Variants in MIPEP observed in about 807,000 individuals in gnomAD.
MIPEP encodes the protein mitochondrial intermediate peptidase.
Under a neutral mutation model 90.3 loss-of-function variants are expected in MIPEP, and 79 were observed. The ratio of observed to expected loss-of-function variants is 0.87; its 90% CI spans 0.73 to 1.05. The LOEUF (loss-of-function observed/expected upper bound fraction) is 1.05, where lower values mean the gene tolerates loss of function less well. MIPEP is among the 50% of genes least tolerant of loss of function. The pLI is 0.00. For synonymous variants in MIPEP, 334 were observed against 315.8 expected, an observed-to-expected ratio of 1.06 and a Z score of -0.61; for missense variants, 940 against 905.6, an observed-to-expected ratio of 1.04 and a Z score of -0.49.
At chr13:23,791,255 G>T (rs1214680533) in intron 16 of MIPEP, among the ~76,000 whole-genome samples, 1 of 152,140 alleles carries the variant, frequency 6.6e-6, no homozygotes, top group African/African-American at 2.4e-5. Context: ...ACCGAGTATG[G>T]CCAGGAAAAG....
intron 13 of MIPEP, among the ~76,000 whole-genome samples, chr13:23,837,120 A>T (rs571321174): frequency 6.6e-6 from 1 of 152,376 alleles, no homozygotes; most frequent in Non-Finnish European, 1.5e-5. Flanking sequence ...GGGAAAGTAT[A>T]TGAAAAATTA....
chr13:23,738,685 T>C (rs79114344), intron 18 of MIPEP, among the ~76,000 whole-genome samples: 2 of 151,884 alleles, frequency 1.3e-5, no homozygotes, highest in African/African-American at 4.8e-5. Context: ...TGAGCTCAAG[T>C]GACCCAGCTA....
intron 10 of MIPEP, among the ~76,000 whole-genome samples, chr13:23,846,265 C>G (rs1027932350): frequency 3.0e-4 from 46 of 152,076 alleles, no homozygotes; most frequent in African/African-American, 1.1e-3. Context: ...CCAACATTTA[C>G]TGGATCTCCC....
At chr13:23,755,093 C>T (rs986460904) in intron 18 of MIPEP, among the ~76,000 whole-genome samples, 1 of 152,174 alleles carries the variant, frequency 6.6e-6, no homozygotes, top group South Asian at 2.1e-4. Flanking sequence ...TCAACAGATA[C>T]ATGGTAATCC....
intron 7 of MIPEP, among the ~76,000 whole-genome samples, chr13:23,866,550 C>T (rs1870542513): frequency 6.6e-6 from 1 of 152,158 alleles, no homozygotes; most frequent in Non-Finnish European, 1.5e-5. Flanking sequence ...GCTGATCTCT[C>T]CCCTCTCCTG....
intron 16 of MIPEP, among the ~76,000 whole-genome samples, chr13:23,765,628 C>G (rs146268846): frequency 3.3e-5 from 5 of 152,272 alleles, no homozygotes; most frequent in Admixed American, 1.3e-4. Flanking sequence ...ATAAACTTCC[C>G]AAGGGCATGG....
chr13:23,839,617 C>T, intron 12 of MIPEP, 32 bp downstream of exon 12: 1 of 1,522,786 alleles, frequency 6.6e-7, no homozygotes, highest in Non-Finnish European at 9.0e-7. Flanking sequence ...CCGATCGGTT[C>T]TAGAGAGACC....
At chr13:23,777,131 CT>C (rs1952727502) in intron 16 of MIPEP, among the ~76,000 whole-genome samples, 1 of 152,150 alleles carries the variant, frequency 6.6e-6, no homozygotes, top group African/African-American at 2.4e-5. Context: ...GATCTCGTGG[CT>C]TATTCTGACT....
At chr13:23,738,997 A>C (rs999130279) in intron 18 of MIPEP, among the ~76,000 whole-genome samples, 1 of 152,260 alleles carries the variant, frequency 6.6e-6, no homozygotes, top group Admixed American at 6.5e-5. Context: ...CCTGAAAATG[A>C]GATGTCGTTT....
At chr13:23,773,157 T>C (rs1395420108) in intron 16 of MIPEP, among the ~76,000 whole-genome samples, 1 of 152,216 alleles carries the variant, frequency 6.6e-6, no homozygotes, top group African/African-American at 2.4e-5. Context: ...CAGCTCCTGG[T>C]AACCACTGAT....
At chr13:23,876,623 G>C (rs370222829) in intron 4 of MIPEP, among the ~76,000 whole-genome samples, 2 of 151,998 alleles carry the variant, frequency 1.3e-5, no homozygotes, top group East Asian at 3.9e-4. Flanking sequence ...AAAGTAATTT[G>C]AAAGGTCTCT....
intron 9 of MIPEP, among the ~76,000 whole-genome samples, chr13:23,860,853 C>CCCA (rs1870265415): frequency 6.6e-6 from 1 of 151,220 alleles, no homozygotes; most frequent in Non-Finnish European, 1.5e-5. Context: ...TGATTGGGAT[C>CCCA]ATAGCCCAGG....
chr13:23,871,841 G>A (rs1172346888), intron 5 of MIPEP, among the ~76,000 whole-genome samples: 2 of 151,702 alleles, frequency 1.3e-5, no homozygotes, highest in Admixed American at 6.6e-5. Context: ...GGTAACAAGT[G>A]GAATAACAAA....
In MIPEP at chr13:23,879,022, T is replaced by C. The variant is rs575533670; in HGVS notation, c.539+246A>G. ...TAGACAAATAAACAAACAGGATACG[T>C]TGGAAGGAACGAGGGCTATGAAGAA... On this transcript the variant is annotated intron_variant, in intron 4 of 18. Coordinates refer to ENST00000382172, the MANE Select transcript of MIPEP (RefSeq NM_005932.4). Among the ~76,000 whole-genome samples the C allele has an allele frequency of 1.6e-3, 240 of 152,176 alleles. 1 individual carries two copies. The highest frequency in any genetic ancestry group is 2.5e-3 in the Non-Finnish European group (167 of 67,996).
At chr13:23,835,606 A>C (rs9507171) in intron 14 of MIPEP, among the ~76,000 whole-genome samples, 115,876 of 152,026 alleles carry the variant, frequency 0.76, 46,824 homozygotes, top group Non-Finnish European at 0.89. Context: ...TATAATCAGA[A>C]TTGGAGGGAA....
At chr13:23,850,283 T>C (rs1053599627) in intron 10 of MIPEP, among the ~76,000 whole-genome samples, 1 of 152,218 alleles carries the variant, frequency 6.6e-6, no homozygotes, top group Admixed American at 6.5e-5. Context: ...AATGCTGCCT[T>C]GAAAACCACA....
rs1868809194 is a variant in MIPEP, at chr13:23,832,380, A to C, written c.1653+3860T>G. On this transcript the variant is annotated intron_variant, in intron 14 of 18. Transcript: ENST00000382172. ...TAAAAAATAGATTCCTTTTCTTTAG[A>C]AATTATCCATTTTCAGGTATTCTAA... 2.0e-5 allele frequency among the ~76,000 whole-genome samples: 3 copies of C among 152,286 alleles called. No individual in the cohort carries two copies. The South Asian group carries it at 6.2e-4, about 32-fold the overall frequency.
chr13:23,804,385 A>G (rs1302405840), intron 16 of MIPEP, among the ~76,000 whole-genome samples: 1 of 152,212 alleles, frequency 6.6e-6, no homozygotes, highest in African/African-American at 2.4e-5. Flanking sequence ...GAACAAAAAC[A>G]TACAAGCCCA....
chr13:23,826,710 A>G (rs1420092110), intron 14 of MIPEP, among the ~76,000 whole-genome samples: 2 of 152,218 alleles, frequency 1.3e-5, no homozygotes, highest in Admixed American at 6.5e-5. Context: ...AAACCGAATT[A>G]GATAAATGCC....
Sources: allele counts gnomAD v4.1 joint callset (sites outside exome capture counted in the v4.1 genomes callset), GRCh38; gene constraint gnomAD v4.1.1; transcripts MANE v1.5; gene names NCBI Gene and HGNC (gene_info 2026-07-23, HGNC 2026-07-21).